Variants in CHN1 observed in about 807,000 individuals in gnomAD.
CHN1 encodes the protein N-chimaerin.
CHN1 carries 37 observed loss-of-function variants against 59.5 expected under a neutral mutation model. The ratio of observed to expected loss-of-function variants is 0.62; its 90% CI spans 0.48 to 0.82. The LOEUF (loss-of-function observed/expected upper bound fraction) is 0.82, where lower values mean the gene tolerates loss of function less well. Among genes scored for constraint, CHN1 ranks in the 40% least tolerant of loss-of-function variants. The pLI is 0.00. For missense variants in CHN1, 469 were observed against 571.0 expected, an observed-to-expected ratio of 0.82 and a Z score of 1.82; for synonymous variants, 206 against 200.4, an observed-to-expected ratio of 1.03 and a Z score of -0.24.
intron 3 of CHN1, among the ~76,000 whole-genome samples, chr2:174,937,054 G>T (rs1326861043): frequency 2.0e-5 from 3 of 152,100 alleles, no homozygotes; most frequent in African/African-American, 4.8e-5. Context: ...GTTATAATTT[G>T]ATTTTCTGTC....
intron 2 of CHN1, among the ~76,000 whole-genome samples, chr2:174,950,944 T>C (rs1213151401): frequency 6.6e-6 from 1 of 152,082 alleles, no homozygotes; most frequent in Non-Finnish European, 1.5e-5. Context: ...CACGCCTAGC[T>C]AATTTTTGTA....
intron 1 of CHN1, among the ~76,000 whole-genome samples, chr2:174,984,357 T>G (rs1434253339): frequency 1.3e-5 from 2 of 151,160 alleles, no homozygotes. Context: ...ACAGAATGTG[T>G]TTTATAAGCT....
chr2:174,846,479 G>C, intron 7 of CHN1: 1 of 1,460,182 alleles, frequency 6.8e-7, no homozygotes. Flanking sequence ...AGATGCAACA[G>C]CACATGCCTC....
intron 4 of CHN1, among the ~76,000 whole-genome samples, chr2:174,915,642 T>C (rs1297677017): frequency 6.6e-6 from 1 of 152,240 alleles, no homozygotes; most frequent in Non-Finnish European, 1.5e-5. Context: ...ATTGGCATGA[T>C]TGCCCAATAA....
chr2:174,933,001 A>AT (rs762742150), intron 3 of CHN1, among the ~76,000 whole-genome samples: 1 of 152,144 alleles, frequency 6.6e-6, no homozygotes, highest in African/African-American at 2.4e-5. Flanking sequence ...TGACTTCCTG[A>AT]TTTTGGTCTG....
intron 5 of CHN1, among the ~76,000 whole-genome samples, chr2:174,890,490 C>T (rs368556707): frequency 1.1e-4 from 17 of 151,902 alleles, no homozygotes; most frequent in Admixed American, 5.2e-4. Flanking sequence ...CCCAGAAGTT[C>T]GGGACCAGCA....
Position 174,811,540 on chromosome 2 carries a change from ATT to A in CHN1, c.933_934del (p.Ile312Ter). 6.2e-7 allele frequency: 1 copy of A among 1,612,196 alleles called. No homozygotes were observed. Among genetic ancestry groups the A allele is most frequent in the Non-Finnish European group, 8.5e-7 (1 of 1,178,810 alleles). Reference sequence around the variant, plus strand: ...GTCGAAAGCCATCTTGACATCTTCAATTAGGTCACTAAATCCTGATACTCGGT... The same window carrying A: ...GTCGAAAGCCATCTTGACATCTTCAAAGGTCACTAAATCCTGATACTCGGT... On this transcript the variant is annotated frameshift_variant, in exon 10 of 13. Transcript: ENST00000409900. LOFTEE classifies it high-confidence loss of function.
At chr2:174,848,330 T>TTTTG (rs1159731648) in intron 6 of CHN1, among the ~76,000 whole-genome samples, 2 of 152,154 alleles carry the variant, frequency 1.3e-5, no homozygotes, top group Admixed American at 6.6e-5. Context: ...CCCATATACT[T>TTTTG]TTTGTTTGCT....
intron 4 of CHN1, among the ~76,000 whole-genome samples, chr2:174,917,415 C>A (rs1688878913): frequency 1.3e-5 from 2 of 150,454 alleles, no homozygotes; most frequent in South Asian, 4.2e-4. Flanking sequence ...GCCTGGGCGA[C>A]AAAAGCGAAA....
chr2:174,829,468 T>A (rs1364534992), intron 7 of CHN1, among the ~76,000 whole-genome samples: 3 of 152,238 alleles, frequency 2.0e-5, no homozygotes, highest in African/African-American at 7.2e-5. Context: ...CTGCTTCTCA[T>A]CATGTTTACA....
rs935002921 is a variant in CHN1, at chr2:174,988,218, A to G, written c.19+16676T>C. 1.6e-3 allele frequency among the ~76,000 whole-genome samples: 244 copies of G among 151,562 alleles called. 1 individual carries two copies. Among genetic ancestry groups the G allele is most frequent in the Non-Finnish European group, 2.8e-3 (189 of 67,724 alleles). ...CTAAAAATACAAAAATTAGCCGGGC[A>G]TGGTGGTGCGCGCCTGTAGTCCCAG... On this transcript the variant is annotated intron_variant, in intron 1 of 12. Coordinates refer to ENST00000409900, the MANE Select transcript of CHN1 (RefSeq NM_001822.7).
intron 7 of CHN1, chr2:174,846,545 AAC>A: frequency 8.0e-7 from 1 of 1,251,652 alleles, no homozygotes; most frequent in Admixed American, 3.2e-5. Flanking sequence ...TAAAATCTCC[AAC>A]AGAGGTATTC....
In CHN1 at chr2:174,839,469, TAATC is replaced by T. The variant is rs566125666; in HGVS notation, c.627+7407_627+7410del. ...TTCCACTTATATGAGGTATCTATAA[TAATC>T]AAACTCAGAATAGAAGAGTGGCTGC... On this transcript the variant is annotated intron_variant, in intron 7 of 12. Coordinates refer to ENST00000409900, the MANE Select transcript of CHN1 (RefSeq NM_001822.7). Among the ~76,000 whole-genome samples the T allele has an allele frequency of 4.1e-3, 632 of 152,324 alleles. 2 individuals carry two copies. The highest frequency in any genetic ancestry group is 6.1e-3 in the Non-Finnish European group (414 of 68,032).
At chr2:174,804,301 AGAGT>A (rs917855430) in intron 11 of CHN1, among the ~76,000 whole-genome samples, 1 of 152,154 alleles carries the variant, frequency 6.6e-6, no homozygotes, top group African/African-American at 2.4e-5. Context: ...TGGCTGCAGT[AGAGT>A]GAGTGAAGAG....
chr2:174,809,808 A>G (rs1377464392), intron 10 of CHN1, among the ~76,000 whole-genome samples: 1 of 152,212 alleles, frequency 6.6e-6, no homozygotes, highest in Non-Finnish European at 1.5e-5. Context: ...CCAGCAGACT[A>G]GGATTCTTCT....
chr2:174,853,734 G>A (rs1170566854), intron 6 of CHN1, among the ~76,000 whole-genome samples: 3 of 152,044 alleles, frequency 2.0e-5, no homozygotes, highest in African/African-American at 4.8e-5. Flanking sequence ...AAGAAAATGT[G>A]GTACATACAC....
intron 6 of CHN1, among the ~76,000 whole-genome samples, chr2:174,858,375 T>C (rs1346590642): frequency 6.6e-6 from 1 of 152,210 alleles, no homozygotes; most frequent in Non-Finnish European, 1.5e-5. Flanking sequence ...AAACATACTT[T>C]TGAAAATTTG....
intron 5 of CHN1, among the ~76,000 whole-genome samples, chr2:174,894,727 T>C (rs1688158292): frequency 2.6e-5 from 4 of 152,124 alleles, no homozygotes; most frequent in Non-Finnish European, 1.5e-5. Flanking sequence ...CCAAGACGTC[T>C]ATTGATGGAT....
chr2:174,935,668 G>A (rs938486565), intron 3 of CHN1, among the ~76,000 whole-genome samples: 1 of 152,136 alleles, frequency 6.6e-6, no homozygotes, highest in Non-Finnish European at 1.5e-5. Flanking sequence ...GCTCACGCCT[G>A]TAATCCCAGC....
Sources: allele counts gnomAD v4.1 joint callset (sites outside exome capture counted in the v4.1 genomes callset), GRCh38; gene constraint gnomAD v4.1.1; transcripts MANE v1.5; gene names NCBI Gene and HGNC (gene_info 2026-07-23, HGNC 2026-07-21).